The following PRDM5 variants were observed in gnomAD, a reference collection of about 807,000 sequenced individuals.
PRDM5 encodes PR domain zinc finger protein 5.
Under a neutral mutation model 81.2 loss-of-function variants are expected in PRDM5, and 56 were observed. That is an observed-to-expected ratio of 0.69 (90% CI 0.56 to 0.86). PRDM5 has a LOEUF of 0.86. PRDM5 is among the 40% of genes least tolerant of loss of function. The pLI is 0.00. For missense variants in PRDM5, 697 were observed against 770.1 expected, an observed-to-expected ratio of 0.91 and a Z score of 1.12; for synonymous variants, 267 against 256.4, an observed-to-expected ratio of 1.04 and a Z score of -0.39.
chr4:120,750,181 G>A (rs1194185344), intron 14 of PRDM5, among the ~76,000 whole-genome samples: 1 of 152,162 alleles, frequency 6.6e-6, no homozygotes, highest in South Asian at 2.1e-4. Context: ...GGACACTGCC[G>A]CTGACCCTGA....
At chr4:120,711,361 C>T (rs765864978) in intron 14 of PRDM5, among the ~76,000 whole-genome samples, 5 of 152,054 alleles carry the variant, frequency 3.3e-5, no homozygotes, top group African/African-American at 4.8e-5. Flanking sequence ...TGCAGTGGCA[C>T]GACCTTGGCT....
At chr4:120,774,817 T>C (rs540906677) in intron 13 of PRDM5, among the ~76,000 whole-genome samples, 1 of 151,478 alleles carries the variant, frequency 6.6e-6, no homozygotes, top group Non-Finnish European at 1.5e-5. Flanking sequence ...ACAATTAGAA[T>C]TAGAGTTTCT....
intron 2 of PRDM5, among the ~76,000 whole-genome samples, chr4:120,870,949 T>C (rs1761722883): frequency 6.6e-6 from 1 of 152,158 alleles, no homozygotes. Flanking sequence ...GTCTACCTTC[T>C]CCTACTCTCT....
At chr4:120,822,554 T>C (rs1265079362) in intron 3 of PRDM5, among the ~76,000 whole-genome samples, 5 of 152,196 alleles carry the variant, frequency 3.3e-5, no homozygotes. Context: ...CATAGATTTA[T>C]GTATATATGT....
intron 15 of PRDM5, among the ~76,000 whole-genome samples, chr4:120,706,707 GGT>G (rs1736207958): frequency 1.4e-5 from 2 of 144,200 alleles, no homozygotes; most frequent in African/African-American, 5.1e-5. Flanking sequence ...GGGCAAAACT[GGT>G]TTTATATATA....
chr4:120,865,444 T>C (rs1393935268), intron 2 of PRDM5, among the ~76,000 whole-genome samples: 1 of 152,108 alleles, frequency 6.6e-6, no homozygotes, highest in Non-Finnish European at 1.5e-5. Flanking sequence ...AAAACTCCAT[T>C]TGTGATTTGT....
chr4:120,743,915 C>G (rs1742537807), intron 14 of PRDM5, among the ~76,000 whole-genome samples: 1 of 151,696 alleles, frequency 6.6e-6, no homozygotes, highest in Non-Finnish European at 1.5e-5. Context: ...GAACTCAGCT[C>G]TGCACCAAGC....
chr4:120,769,488 A>G (rs1023405672), intron 13 of PRDM5, among the ~76,000 whole-genome samples: 11 of 152,222 alleles, frequency 7.2e-5, no homozygotes, highest in Non-Finnish European at 1.2e-4. Flanking sequence ...GTAAACAGTG[A>G]GGGGTCGGTA....
At chr4:120,799,809 A>G in intron 8 of PRDM5, 64 bp from the exon 9 acceptor site, 1 of 1,575,996 alleles carries the variant, frequency 6.3e-7, no homozygotes, top group South Asian at 1.1e-5. Context: ...ACAGCTCTCA[A>G]GCAAAAGTGT....
At chr4:120,853,110 A>C (rs1011575604) in intron 3 of PRDM5, among the ~76,000 whole-genome samples, 4 of 152,158 alleles carry the variant, frequency 2.6e-5, no homozygotes, top group Non-Finnish European at 4.4e-5. Flanking sequence ...CTATCAAACA[A>C]ATTAAAATAT....
intron 2 of PRDM5, among the ~76,000 whole-genome samples, chr4:120,901,212 C>T (rs1420842438): frequency 2.0e-5 from 3 of 152,094 alleles, no homozygotes; most frequent in African/African-American, 7.2e-5. Context: ...ACCCAATATA[C>T]AGTCTTTTAT....
At chr4:120,802,938 C>T in intron 8 of PRDM5, among the ~76,000 whole-genome samples, 1 of 152,118 alleles carries the variant, frequency 6.6e-6, no homozygotes, top group Non-Finnish European at 1.5e-5. Context: ...AAACCCATCG[C>T]AGAGAAGCTA....
At chr4:120,914,097 C>A (rs556194210) in intron 1 of PRDM5, among the ~76,000 whole-genome samples, 1 of 152,090 alleles carries the variant, frequency 6.6e-6, no homozygotes, top group African/African-American at 2.4e-5. Flanking sequence ...AGAATTAGAC[C>A]CACGCTCTGT....
At chr4:120,861,381 C>T (rs1268004147) in intron 2 of PRDM5, among the ~76,000 whole-genome samples, 1 of 152,090 alleles carries the variant, frequency 6.6e-6, no homozygotes, top group Non-Finnish European at 1.5e-5. Context: ...TATTAATAAG[C>T]AATTTTTGGT....
At chr4:120,918,420 CCTT>C (rs1361978147) in intron 1 of PRDM5, among the ~76,000 whole-genome samples, 6 of 152,232 alleles carry the variant, frequency 3.9e-5, no homozygotes, top group African/African-American at 1.4e-4. Flanking sequence ...AGACAAGTCA[CCTT>C]CTACACTGAT....
chr4:120,759,815 T>G (rs967838322), intron 13 of PRDM5, among the ~76,000 whole-genome samples: 3 of 152,202 alleles, frequency 2.0e-5, no homozygotes, highest in Non-Finnish European at 2.9e-5. Flanking sequence ...AGTATTCAAA[T>G]TCTAACTAAC....
At chr4:120,835,261 A>T (rs1369168030) in intron 3 of PRDM5, among the ~76,000 whole-genome samples, 1 of 152,218 alleles carries the variant, frequency 6.6e-6, no homozygotes, top group Non-Finnish European at 1.5e-5. Context: ...GAATGTGACG[A>T]CAAAGAGCAG....
intron 15 of PRDM5, among the ~76,000 whole-genome samples, chr4:120,699,998 A>T (rs1318412022): frequency 6.6e-6 from 1 of 151,676 alleles, no homozygotes. Context: ...AGCAATCCTA[A>T]GCAAAAAGAA....
At chr4:120,768,596 G>A (rs910103563) in intron 13 of PRDM5, among the ~76,000 whole-genome samples, 1 of 152,130 alleles carries the variant, frequency 6.6e-6, no homozygotes, top group Admixed American at 6.5e-5. Context: ...TCTACTAGAT[G>A]AGATTTGCTA....
Sources: allele counts gnomAD v4.1 joint callset (sites outside exome capture counted in the v4.1 genomes callset), GRCh38; gene constraint gnomAD v4.1.1; transcripts MANE v1.5; gene names NCBI Gene and HGNC (gene_info 2026-07-23, HGNC 2026-07-21).